MTOR: variants seen among roughly 807,000 people sequenced by gnomAD.
MTOR encodes serine/threonine-protein kinase mTOR.
MTOR carries 70 observed loss-of-function variants against 319.8 expected under a neutral mutation model. That is an observed-to-expected ratio of 0.22 (90% confidence interval 0.18 to 0.27). MTOR has a LOEUF of 0.27. Ranked by LOEUF, MTOR falls within the 10% of genes least tolerant of loss-of-function variation. MTOR has a pLI of 1.00. For missense variants in MTOR, 1,890 were observed against 3,274.4 expected (o/e 0.58, Z 10.32); for synonymous variants, 1,183 against 1,211.4 (o/e 0.98, Z 0.49).
intron 28 of MTOR, among the ~76,000 whole-genome samples, chr1:11,180,401 G>A (rs977238943): frequency 1.3e-5 from 2 of 152,208 alleles, no homozygotes; most frequent in African/African-American, 4.8e-5. Flanking sequence ...GACAAAGAGT[G>A]GGTTTTGTTT....
At position 11,148,586 on chromosome 1, in the gene MTOR, T is replaced by G. The variant is rs577448979; in HGVS notation, c.4570+1540A>C. ...GCTGGATGCAGGAACCTAAAGAGACTTCTCCTCATCTCTCTTTAAAACAAA... is the reference window on the plus strand; with the variant it reads ...GCTGGATGCAGGAACCTAAAGAGACGTCTCCTCATCTCTCTTTAAAACAAA... On this transcript the variant is annotated intron_variant, in intron 31 of 57. Coordinates refer to ENST00000361445, the MANE Select transcript of MTOR (RefSeq NM_004958.4). Among the ~76,000 whole-genome samples the G allele has an allele frequency of 3.9e-5, 6 of 152,184 alleles. No homozygotes were observed. The South Asian group carries it at 1.2e-3, about 32-fold the overall frequency.
Position 11,216,110 on chromosome 1 carries a change from C to G in MTOR, c.3117+38G>C, listed in dbSNP as rs762639773. The G allele has an allele frequency of 2.0e-6, 3 of 1,512,146 alleles. No homozygotes were observed. The South Asian group carries it at 3.4e-5, about 17-fold the overall frequency. The allele number at this position is 1,512,146 out of a possible 1,614,324, so 93.7% of individuals were successfully genotyped here. A position where few individuals can be genotyped will look rare whatever the true frequency, so the allele number is the denominator to read the frequency against. On this transcript the variant is annotated intron_variant, in intron 20 of 57. Transcript: ENST00000361445. Reference sequence around the variant, plus strand: ...ACTTGCTTCTGAGCCTTCCTTGACCCAAACATGGAAGAGGCCAAAGCATTA... The same window carrying G: ...ACTTGCTTCTGAGCCTTCCTTGACCGAAACATGGAAGAGGCCAAAGCATTA...
chr1:11,139,008 T>C (rs1643562387), intron 36 of MTOR: 1 of 334,762 alleles, frequency 3.0e-6, no homozygotes, highest in African/African-American at 2.1e-5. Context: ...AAACAGTCCA[T>C]CTTCTCTTAG....
intron 46 of MTOR, among the ~76,000 whole-genome samples, chr1:11,126,176 C>T (rs1421232279): frequency 6.6e-6 from 1 of 151,760 alleles, no homozygotes; most frequent in Non-Finnish European, 1.5e-5. Flanking sequence ...TAACAAATCT[C>T]ACTGTGAGAA....
chr1:11,125,521 G>A (rs557205470), intron 46 of MTOR, among the ~76,000 whole-genome samples: 1 of 150,440 alleles, frequency 6.6e-6, no homozygotes, highest in African/African-American at 2.4e-5. Flanking sequence ...ACCTCAGGTC[G>A]GGAGTTTGAG....
intron 26 of MTOR, among the ~76,000 whole-genome samples, chr1:11,200,107 T>C (rs1427059118): frequency 2.0e-5 from 3 of 152,180 alleles, no homozygotes; most frequent in Non-Finnish European, 4.4e-5. Context: ...TTCTCTTCAC[T>C]GGAGGAAATG....
intron 28 of MTOR, chr1:11,196,069 C>T (rs970370828): frequency 2.0e-5 from 3 of 152,032 alleles, no homozygotes; most frequent in South Asian, 2.1e-4. Flanking sequence ...GACAGAGGCC[C>T]GGGGTTTGTT....
rs550311936 is a variant in MTOR, at chr1:11,128,713, C to A, written c.5811+142G>T. The A allele has an allele frequency of 4.5e-4, 458 of 1,014,168 alleles. 8 individuals are homozygous for A. The South Asian group carries it at 5.8e-3, about 13-fold the overall frequency. 62.8% of individuals were successfully genotyped at this position (1,014,168 alleles called of 1,614,324 possible). On this transcript the variant is annotated intron_variant, in intron 41 of 57. Transcript: ENST00000361445. The surrounding 1 kb of genome is among the most constrained non-coding windows in gnomAD (Gnocchi z 5.3). ...AAAGAAAATAAAGAAAATATGGACA[C>A]TTGACACTGGGACCGAGCCCTACTT...
intron 1 of MTOR, among the ~76,000 whole-genome samples, chr1:11,260,016 T>C (rs919591271): frequency 5.9e-5 from 9 of 152,230 alleles, no homozygotes; most frequent in African/African-American, 2.2e-4. Flanking sequence ...TGGGTTGATG[T>C]GAGAACTAAA....
In MTOR at chr1:11,157,108, G is replaced by A. The variant is rs565450271; in HGVS notation, c.4469+44C>T. ...TTTCAAATCCAAAGATCAAAGAGAC[G>A]AAGTCTCTTGCAGCCACACATGCCA... is the stretch of plus-strand genomic sequence containing the variant. On this transcript the variant is annotated intron_variant, in intron 30 of 57. Transcript: ENST00000361445. The A allele has an allele frequency of 8.5e-6, 13 of 1,534,836 alleles. No individual in the cohort carries two copies. The African/African-American group carries it at 9.8e-5, about 12-fold the overall frequency.
chr1:11,238,708 G>T, intron 11 of MTOR, 91 bp from the exon 12 acceptor site: 3 of 1,130,188 alleles, frequency 2.7e-6, no homozygotes, highest in South Asian at 1.5e-5. Flanking sequence ...CCATTTTGAG[G>T]CTACTAATTC....
Position 11,171,174 on chromosome 1 carries a change from G to A in MTOR, c.4254-3657C>T, listed in dbSNP as rs568563536. On this transcript the variant is annotated intron_variant, in intron 28 of 57. Transcript: ENST00000361445. ...TATGCCACTGCACTCCAGCCTGGGC[G>A]ACAGAGCTAGACTCTATCTCAAAAA... Among the ~76,000 whole-genome samples, 97 of 148,814 alleles carry A rather than the reference G, an allele frequency of 6.5e-4. 3 individuals carry two copies. The highest frequency in any genetic ancestry group is 2.2e-3 in the African/African-American group (87 of 40,242).
At chr1:11,194,826 C>A (rs1258614180) in intron 28 of MTOR, 3 of 1,612,316 alleles carry the variant, frequency 1.9e-6, no homozygotes, top group Non-Finnish European at 2.5e-6. Context: ...AGTCAACTTA[C>A]TAGCACTGGG....
At chr1:11,111,268 C>T in intron 54 of MTOR, 1 of 407,068 alleles carries the variant, frequency 2.5e-6, no homozygotes, top group East Asian at 8.3e-5. Context: ...CACTTGAGGT[C>T]AGGAGTTCGA....
rs3730380 is a variant in MTOR at position 11,129,020 on chromosome 1, T to C, written c.5715-69A>G. The stretch of plus-strand genomic sequence containing the variant: ...TTTTTGCCTGCCTGTTTTTCATCTC[T>C]AAGGCTCCTGAGAAGAGAGCTGGCA... On this transcript the variant is annotated intron_variant, in intron 40 of 57. Transcript: ENST00000361445. This position sits in a 1 kb window ranked among gnomAD's most constrained non-coding sequence, Gnocchi z 4.7. 0.012 allele frequency: 15,139 copies of C among 1,316,040 alleles called. 534 individuals carry two copies. Among genetic ancestry groups the C allele is most frequent in the Admixed American group, 0.067 (3,392 of 50,982 alleles). 81.5% of individuals were successfully genotyped at this position (1,316,040 alleles called of 1,614,324 possible).
Position 11,230,916 on chromosome 1 carries a change from C to T in MTOR, c.2779+9G>A, listed in dbSNP as rs1188671289. 1.2e-6 allele frequency: 2 copies of T among 1,613,530 alleles called. No homozygotes were observed. Among genetic ancestry groups the T allele is most frequent in the Non-Finnish European group, 1.7e-6 (2 of 1,179,974 alleles). ...CTTGGCAAGTCTTTCATGGCTACCC[C>T]CAACTTACAGGAATCCTGACTTGAC... is the stretch of plus-strand genomic sequence containing the variant. On this transcript the variant is annotated intron_variant, in intron 18 of 57. Coordinates refer to ENST00000361445, the MANE Select transcript of MTOR (RefSeq NM_004958.4).
chr1:11,129,783 C>T lies in MTOR; in HGVS notation c.5669G>A (p.Arg1890His), dbSNP rs373213788. 3.3e-5 allele frequency: 54 copies of T among 1,614,054 alleles called. No individual in the cohort carries two copies. The highest frequency in any genetic ancestry group is 4.2e-5 in the Non-Finnish European group (50 of 1,180,034). Residue 1890 changes from arginine (R) to histidine (H), a missense_variant, in exon 40 of 58, where the codon CGT becomes CAT. Physicochemically the swap from Arg to His is conservative, Grantham distance 29. Coordinates refer to ENST00000361445, the MANE Select transcript of MTOR (RefSeq NM_004958.4). This position sits in a 1 kb window ranked among gnomAD's most constrained non-coding sequence, Gnocchi z 4.7. ...GTTGCCTCGTGACAAGGAGATGGAA[C>T]GGAAGAAGCCCTGGACGGCAGGCAC... The part of the protein sequence containing the change: ...YTVPAVQGFF[R>H]SISLSRGNNL...
At chr1:11,186,381 C>T (rs1466610696) in intron 28 of MTOR, among the ~76,000 whole-genome samples, 1 of 152,158 alleles carries the variant, frequency 6.6e-6, no homozygotes, top group East Asian at 1.9e-4. Flanking sequence ...GGTGCCAGCC[C>T]AAGGCAGTGC....
chr1:11,198,245 G>A (rs1380193782), intron 28 of MTOR, among the ~76,000 whole-genome samples: 1 of 152,204 alleles, frequency 6.6e-6, no homozygotes, highest in African/African-American at 2.4e-5. Context: ...GCATGCCTCA[G>A]AGGACGGCAT....
Sources: gnomAD v4.1 joint callset for allele counts (sites outside exome capture counted in the v4.1 genomes callset) on GRCh38, gnomAD v4.1.1 for gene constraint, Gnocchi (gnomAD v3.1) non-coding constraint, MANE v1.5 for transcripts, NCBI Gene and HGNC (gene_info 2026-07-23, HGNC 2026-07-21) for gene names.